Variants in NAV2 observed in about 807,000 individuals in gnomAD.
NAV2 encodes neuron navigator 2.
NAV2 carries 54 observed loss-of-function variants against 223.2 expected under a neutral mutation model. The ratio of observed to expected loss-of-function variants is 0.24; its 90% CI spans 0.19 to 0.30. The LOEUF is 0.30. Among genes scored for constraint, NAV2 ranks in the 10% least tolerant of loss-of-function variants. The pLI is 1.00. For synonymous variants in NAV2, 1,279 were observed against 1,239.3 expected (o/e 1.03, Z -0.67); for missense variants, 2,806 against 3,147.5 (o/e 0.89, Z 2.60).
chr11:19,966,025 A>G (rs780938039), intron 10 of NAV2, among the ~76,000 whole-genome samples: 33 of 152,218 alleles, frequency 2.2e-4, no homozygotes, highest in Non-Finnish European at 4.4e-4. Flanking sequence ...AACTTCTTAC[A>G]TGGAGCTCAG....
chr11:20,051,176 T>C (rs34604195), intron 16 of NAV2, 113 bp from the exon 17 acceptor site: 37,444 of 837,912 alleles, frequency 0.045, 1,055 homozygotes, highest in Non-Finnish European at 0.058. Flanking sequence ...AGGCACTTCC[T>C]GGTGATGTGC....
chr11:19,640,406 A>T (rs2047632015), intron 1 of NAV2, among the ~76,000 whole-genome samples: 1 of 151,498 alleles, frequency 6.6e-6, no homozygotes, highest in African/African-American at 2.4e-5. Flanking sequence ...TACATATAAT[A>T]TATAAAAATA....
At chr11:19,412,744 G>A (rs911257588) in intron 1 of NAV2, among the ~76,000 whole-genome samples, 2 of 152,232 alleles carry the variant, frequency 1.3e-5, no homozygotes, top group African/African-American at 4.8e-5. Context: ...AGCAATCTTT[G>A]CTGTTCTGCA....
chr11:19,861,862 G>A (rs2061814138), intron 3 of NAV2, among the ~76,000 whole-genome samples: 1 of 152,218 alleles, frequency 6.6e-6, no homozygotes, highest in African/African-American at 2.4e-5. Flanking sequence ...GGGCCTTTCT[G>A]ACACTAGTCA....
At chr11:20,063,035 C>A (rs1319443859) in intron 20 of NAV2, among the ~76,000 whole-genome samples, 3 of 152,148 alleles carry the variant, frequency 2.0e-5, no homozygotes, top group Admixed American at 2.0e-4. Flanking sequence ...AATAGCAGTT[C>A]CTACCTTATA....
chr11:20,097,665 G>C lies in NAV2; in HGVS notation c.6101G>C (p.Ser2034Thr), dbSNP rs774928653. 6.2e-7 allele frequency: 1 copy of C among 1,613,666 alleles called. No individual in the cohort carries two copies. The highest frequency in any genetic ancestry group is 1.1e-5 in the South Asian group (1 of 91,010). Reference protein sequence around the residue: ...LGYSIGEIKRSNTSETPELLP... With the variant: ...LGYSIGEIKRTNTSETPELLP... ...TACAGCATTGGAGAAATCAAGCGCA[G>C]CAACACTTCCGAAACACCGGAGCTG... Residue 2034 changes from serine (S) to threonine (T), a missense_variant, in exon 31 of 38, where the codon AGC (serine) becomes ACC (threonine). By Grantham distance (58) the Ser-to-Thr change is moderately conservative (BLOSUM62 1). This residue lies in a region of NAV2 where 824 missense variants were observed against 1,069.4 expected (regional missense o/e 0.77). Transcript: ENST00000349880.
chr11:20,080,291 C>T, intron 25 of NAV2, 82 bp downstream of exon 25: 1 of 1,336,326 alleles, frequency 7.5e-7, no homozygotes, highest in Non-Finnish European at 1.0e-6. Context: ...AGATAAAGTC[C>T]AGCCCAGCTA....
intron 1 of NAV2, among the ~76,000 whole-genome samples, chr11:19,423,374 G>T (rs575969399): frequency 9.2e-5 from 14 of 152,336 alleles, no homozygotes; most frequent in African/African-American, 3.4e-4. Context: ...TAAGAACCGT[G>T]TGCTAGGCCA....
intron 1 of NAV2, among the ~76,000 whole-genome samples, chr11:19,567,721 C>A (rs575507698): frequency 1.3e-5 from 2 of 152,288 alleles, no homozygotes; most frequent in South Asian, 4.2e-4. Context: ...CCACATTCTT[C>A]CTTGTCTTTA....
chr11:19,370,506 C>T (rs1416343883), intron 1 of NAV2, among the ~76,000 whole-genome samples: 1 of 152,194 alleles, frequency 6.6e-6, no homozygotes, highest in Non-Finnish European at 1.5e-5. Flanking sequence ...GTTTTTGGCA[C>T]GTGGTTGCCC....
chr11:19,647,885 T>C (rs1214264881), intron 1 of NAV2, among the ~76,000 whole-genome samples: 1 of 152,228 alleles, frequency 6.6e-6, no homozygotes, highest in Admixed American at 6.5e-5. Flanking sequence ...CCAGGTATAA[T>C]GTTAGAACTT....
chr11:19,395,837 C>T (rs1455817103), intron 1 of NAV2, among the ~76,000 whole-genome samples: 1 of 152,186 alleles, frequency 6.6e-6, no homozygotes. Flanking sequence ...TATGTGTAGA[C>T]ATGTTCCTTC....
At chr11:19,702,268 A>G (rs1015480332) in intron 1 of NAV2, among the ~76,000 whole-genome samples, 3 of 152,226 alleles carry the variant, frequency 2.0e-5, no homozygotes, top group African/African-American at 7.2e-5. Context: ...GTGTCAGAAG[A>G]GATCCCACTT....
chr11:19,609,532 G>C (rs901681448), intron 1 of NAV2, among the ~76,000 whole-genome samples: 2 of 152,158 alleles, frequency 1.3e-5, no homozygotes, highest in Admixed American at 6.5e-5. Context: ...AAGGTCTAAA[G>C]GCAAGATGGA....
chr11:19,345,340 G>A, the NAV2 span, among the ~76,000 whole-genome samples: 1 of 152,242 alleles, frequency 6.6e-6, no homozygotes, highest in African/African-American at 2.4e-5. The surrounding 1 kb of genome is among the most constrained non-coding windows in gnomAD (Gnocchi z 5.2). Context: ...GCCTCCCCCA[G>A]GTCGGGTCTG....
At chr11:19,868,854 G>T in intron 3 of NAV2, 71 bp from the exon 4 acceptor site, 11 of 1,446,262 alleles carry the variant, frequency 7.6e-6, no homozygotes, top group Non-Finnish European at 7.7e-6. Flanking sequence ...TTTTCCCATT[G>T]TTCCTCATAA....
chr11:20,092,137 C>T, intron 27 of NAV2, 69 bp from the exon 28 acceptor site: 2 of 1,502,462 alleles, frequency 1.3e-6, no homozygotes, highest in Non-Finnish European at 1.8e-6. Context: ...CTTTCAGATC[C>T]TTCCTTCAGA....
chr11:19,738,361 G>A (rs1565231104), intron 1 of NAV2, among the ~76,000 whole-genome samples: 1 of 152,242 alleles, frequency 6.6e-6, no homozygotes, highest in Non-Finnish European at 1.5e-5. Flanking sequence ...GCCTTGCCCA[G>A]GCCGGATTTC....
rs1004599710 is a variant in NAV2 at position 19,919,812 on chromosome 11, A to G, written c.932-13364A>G. 3.3e-5 allele frequency among the ~76,000 whole-genome samples: 5 copies of G among 152,174 alleles called. No homozygotes were observed. In the East Asian group the frequency reaches 5.8e-4, roughly 18 times the overall value. Reference sequence around the variant, plus strand: ...AGGGAGGAAGAAAGCTTTAGTCACCATCTCCATTTAATAAAGTCCATTGAT... The same window carrying G: ...AGGGAGGAAGAAAGCTTTAGTCACCGTCTCCATTTAATAAAGTCCATTGAT... On this transcript the variant is annotated intron_variant, in intron 6 of 37. Coordinates refer to ENST00000349880, the MANE Select transcript of NAV2 (RefSeq NM_145117.5).
Sources: allele counts gnomAD v4.1 joint callset (sites outside exome capture counted in the v4.1 genomes callset), GRCh38; gene constraint gnomAD v4.1.1; regional missense constraint gnomAD v4.1.1; non-coding constraint Gnocchi (gnomAD v3.1); transcripts MANE v1.5; gene names NCBI Gene and HGNC (gene_info 2026-07-23, HGNC 2026-07-21).